The following SYCP2 variants were observed in gnomAD, a reference collection of about 807,000 sequenced individuals.
SYCP2 encodes the protein synaptonemal complex lateral element protein.
Under a neutral mutation model 211.3 loss-of-function variants are expected in SYCP2, and 55 were observed. That is an observed-to-expected ratio of 0.26 (90% CI 0.21 to 0.33). The LOEUF (loss-of-function observed/expected upper bound fraction) is 0.33. Among genes scored for constraint, SYCP2 ranks in the 10% least tolerant of loss-of-function variants. The pLI, the probability that SYCP2 is intolerant of heterozygous loss-of-function variation, is 1.00. For missense variants in SYCP2, 1,731 were observed against 1,752.0 expected (o/e 0.99, Z 0.21); for synonymous variants, 570 against 555.2 (o/e 1.03, Z -0.37).
At chr20:59,877,272 TA>T (rs747302936) in intron 33 of SYCP2, 112 bp downstream of exon 33, 8 of 757,904 alleles carry the variant, frequency 1.1e-5, no homozygotes, top group Non-Finnish European at 1.5e-5. Context: ...AGTTTTGTCA[TA>T]AAAGAAGTTA....
chr20:59,930,917 G>A (rs971179067), intron 2 of SYCP2, among the ~76,000 whole-genome samples: 1 of 152,086 alleles, frequency 6.6e-6, no homozygotes, highest in African/African-American at 2.4e-5. Flanking sequence ...AGTAATTACA[G>A]TTTTAACCCT....
chr20:59,882,023 A>G, intron 27 of SYCP2, 21 bp from the exon 28 acceptor site: 1 of 1,610,788 alleles, frequency 6.2e-7, no homozygotes, highest in Non-Finnish European at 8.5e-7. Flanking sequence ...GAAGAGCAAT[A>G]TTAGCTCCAC....
intron 14 of SYCP2, among the ~76,000 whole-genome samples, chr20:59,908,420 T>A (rs144690224): frequency 5.3e-4 from 80 of 152,268 alleles, no homozygotes; most frequent in African/African-American, 1.9e-3. Context: ...CACCACCTTT[T>A]TCCCTTACCT....
chr20:59,917,595 A>G (rs1600973160), intron 7 of SYCP2, among the ~76,000 whole-genome samples: 1 of 152,142 alleles, frequency 6.6e-6, no homozygotes, highest in Non-Finnish European at 1.5e-5. Flanking sequence ...AGCAAAAACA[A>G]TCAACGAAGA....
chr20:59,914,530 T>C (rs1318371401), intron 10 of SYCP2, among the ~76,000 whole-genome samples: 1 of 152,004 alleles, frequency 6.6e-6, no homozygotes, highest in Non-Finnish European at 1.5e-5. Context: ...TCATTATTAT[T>C]AGAGATATAA....
rs1007295506 is a variant in SYCP2 at position 59,907,380 on chromosome 20, T to C, written c.1017A>G (p.Gln339=). The C allele has an allele frequency of 1.2e-6, 2 of 1,609,016 alleles. No individual in the cohort carries two copies. The highest frequency in any genetic ancestry group is 1.7e-6 in the Non-Finnish European group (2 of 1,176,370). The change falls in exon 15 of 45, where the codon CAA becomes CAG. Residue 339 remains glutamine (Q), a synonymous_variant. Coordinates refer to ENST00000357552, the MANE Select transcript of SYCP2 (RefSeq NM_014258.4). ...EAVTVPEEKV[Q]IYSIEVRESK... ...GTTTAATACCTTCAATGCTGTATAT[T>C]TGTACTTTTTCCTCTGGCACAGTAA...
chr20:59,901,337 T>A (rs2060112025), intron 16 of SYCP2, among the ~76,000 whole-genome samples: 2 of 152,112 alleles, frequency 1.3e-5, no homozygotes, highest in East Asian at 1.9e-4. Context: ...ATTATTTACT[T>A]CTTCTGATGT....
At chr20:59,884,360 T>TC (rs1348995160) in intron 26 of SYCP2, among the ~76,000 whole-genome samples, 1 of 151,968 alleles carries the variant, frequency 6.6e-6, no homozygotes, top group African/African-American at 2.4e-5. Context: ...AAAAATATAT[T>TC]CAACCAGATC....
In SYCP2 at chr20:59,869,868, C is replaced by A; in HGVS notation, c.3671G>T (p.Ser1224Ile). The part of the protein sequence containing the change: ...SNSYSDVSSY[S>I]SEERFMEIES... ...AATTTCCATAAACCGTTCTTCTGAA[C>A]TATAACTGCTTACATCTGAATAGCT... The change falls in exon 36 of 45, where the codon AGT (serine) becomes ATT (isoleucine). Residue 1224 changes from serine to isoleucine, a missense_variant. Physicochemically the swap from Ser to Ile is moderately radical, Grantham distance 142 (BLOSUM62 -2). Transcript: ENST00000357552. The A allele has an allele frequency of 6.2e-7, 1 of 1,608,042 alleles. No individual in the cohort carries two copies. The highest frequency in any genetic ancestry group is 8.5e-7 in the Non-Finnish European group (1 of 1,175,804).
chr20:59,933,060 G>A (rs1207532921), intron 1 of SYCP2, among the ~76,000 whole-genome samples: 3 of 152,000 alleles, frequency 2.0e-5, no homozygotes, highest in African/African-American at 7.2e-5. Flanking sequence ...ATGCGCCCCA[G>A]GCCGCAGCGC....
At chr20:59,900,637 C>G (rs1221642123) in intron 17 of SYCP2, 107 bp downstream of exon 17, 1 of 756,326 alleles carries the variant, frequency 1.3e-6, no homozygotes, top group Admixed American at 2.7e-5. Context: ...TATATTGAGA[C>G]CATTTGTTTT....
At chr20:59,888,282 T>C (rs536681664) in intron 24 of SYCP2, among the ~76,000 whole-genome samples, 4 of 152,088 alleles carry the variant, frequency 2.6e-5, no homozygotes, top group South Asian at 2.1e-4. Flanking sequence ...AATCCTACAA[T>C]GTATAAAAAG....
chr20:59,885,779 C>T lies in SYCP2; in HGVS notation c.2529+149G>A, dbSNP rs185079747. On this transcript the variant is annotated intron_variant, in intron 26 of 44. Transcript: ENST00000357552. ...GTTGGAGGGCTATTTTGAGTACTTG[C>T]TATTAAACCTGTCAGTGGTTATCAT... 78 of 671,286 alleles carry T rather than the reference C, an allele frequency of 1.2e-4. No homozygotes were observed. In the African/African-American group the frequency reaches 1.4e-3, roughly 12 times the overall value. The allele number at this position is 671,286 out of a possible 1,614,324, so 41.6% of individuals were successfully genotyped here.
intron 1 of SYCP2, among the ~76,000 whole-genome samples, chr20:59,932,921 C>T (rs1228332750): frequency 6.6e-6 from 1 of 152,108 alleles, no homozygotes. Flanking sequence ...GCGCGCACTC[C>T]CTTCTTCCCT....
intron 10 of SYCP2, among the ~76,000 whole-genome samples, chr20:59,914,886 T>C (rs2060406523): frequency 6.6e-6 from 1 of 151,978 alleles, no homozygotes; most frequent in African/African-American, 2.4e-5. Context: ...AATTAAGCTA[T>C]TATATTAAGC....
chr20:59,912,039 C>T, intron 13 of SYCP2, 194 bp from the exon 14 acceptor site: 1 of 419,342 alleles, frequency 2.4e-6, no homozygotes, highest in Non-Finnish European at 4.2e-6. Context: ...TATAAAAAAT[C>T]AACTAGCTCC....
chr20:59,905,502 C>T (rs2060197421), intron 15 of SYCP2, among the ~76,000 whole-genome samples: 1 of 151,902 alleles, frequency 6.6e-6, no homozygotes, highest in Non-Finnish European at 1.5e-5. Context: ...AAGAAAGAAG[C>T]TGGACAAAAA....
intron 36 of SYCP2, 101 bp from the exon 37 acceptor site, chr20:59,869,026 G>A: frequency 2.7e-6 from 2 of 736,612 alleles, no homozygotes; most frequent in Non-Finnish European, 4.4e-6. Flanking sequence ...TTTAAATGCT[G>A]TCAATTCTTT....
At position 59,896,487 on chromosome 20, in the gene SYCP2, C is replaced by G. The variant is rs774859989; in HGVS notation, c.1446G>C (p.Met482Ile). 1 of 1,610,830 alleles carries G rather than the reference C, an allele frequency of 6.2e-7. No individual in the cohort carries two copies. Among genetic ancestry groups the G allele is most frequent in the African/African-American group, 1.3e-5 (1 of 74,840 alleles). The change falls in exon 19 of 45, where the codon ATG (methionine) becomes ATC (isoleucine). Residue 482 changes from methionine to isoleucine, a missense_variant. Met to Ile is a conservative substitution (Grantham distance 10). This residue lies in a region of SYCP2 where 1,387 missense variants were observed against 1,351.3 expected (regional missense o/e 1.03). Coordinates refer to ENST00000357552, the MANE Select transcript of SYCP2 (RefSeq NM_014258.4). Reference protein sequence around the residue: ...PSKRKMSEASMIVSGADRYTM... With the variant: ...PSKRKMSEASIIVSGADRYTM... ...TGTATCTATCTGCACCAGAAACAATCATTGATGCTTCAGACATTTTTCTTT... is the reference window on the plus strand; with the variant it reads ...TGTATCTATCTGCACCAGAAACAATGATTGATGCTTCAGACATTTTTCTTT...
Sources: gnomAD v4.1 joint callset for allele counts (sites outside exome capture counted in the v4.1 genomes callset) on GRCh38, gnomAD v4.1.1 for gene constraint, gnomAD v4.1.1 regional missense constraint, MANE v1.5 for transcripts, NCBI Gene and HGNC (gene_info 2026-07-23, HGNC 2026-07-21) for gene names.